Variants in PRKN observed in about 807,000 individuals in gnomAD.
PRKN encodes the protein parkin RBR E3 ubiquitin protein ligase, also known as E3 ubiquitin-protein ligase parkin.
In PRKN, 56 loss-of-function variants were observed where a neutral mutation model predicts 59.5. The ratio of observed to expected loss-of-function variants is 0.94; its 90% CI spans 0.76 to 1.18. PRKN has a LOEUF of 1.18. PRKN is among the 50% of genes most tolerant of loss of function. The probability of loss-of-function intolerance (pLI) is 0.00; values close to 1 mark genes in which losing one functional copy is unlikely to be tolerated. For missense variants in PRKN, 657 were observed against 596.4 expected, an observed-to-expected ratio of 1.10 and a Z score of -1.06; for synonymous variants, 250 against 222.1, an observed-to-expected ratio of 1.13 and a Z score of -1.12.
chr6:161,682,965 T>C (rs979521017), intron 7 of PRKN, among the ~76,000 whole-genome samples: 1 of 152,186 alleles, frequency 6.6e-6, no homozygotes, highest in East Asian at 1.9e-4. Flanking sequence ...AAAGGACAAC[T>C]GTAAGATACA....
In PRKN at chr6:161,405,764, G is replaced by A. The variant is rs555295401; in HGVS notation, c.1084-18887C>T. 1.1e-3 allele frequency among the ~76,000 whole-genome samples: 167 copies of A among 152,124 alleles called. 1 individual carries two copies. The highest frequency in any genetic ancestry group is 1.0e-3 in the Non-Finnish European group (70 of 67,996). On this transcript the variant is annotated intron_variant, in intron 9 of 11. Transcript: ENST00000366898. The surrounding 1 kb of genome is among the most constrained non-coding windows in gnomAD (Gnocchi z 5.1). ...GGCTCGTGTTCCAAGTCTCGTACCC[G>A]TTGGGCCATTTGAGAAGTGGCAACA... is the stretch of plus-strand genomic sequence containing the variant.
chr6:161,898,444 A>G (rs1391951001), intron 6 of PRKN, among the ~76,000 whole-genome samples: 3 of 152,182 alleles, frequency 2.0e-5, no homozygotes, highest in Non-Finnish European at 2.9e-5. Context: ...ATTTTTATGT[A>G]CACTTCACAA....
intron 2 of PRKN, among the ~76,000 whole-genome samples, chr6:162,285,266 ATTTT>A (rs11392809): frequency 7.3e-5 from 7 of 95,926 alleles, no homozygotes; most frequent in East Asian, 3.5e-4. Flanking sequence ...TATTTTGGAG[ATTTT>A]TTTTTTTTTT....
At chr6:161,501,939 T>C (rs893863897) in intron 9 of PRKN, among the ~76,000 whole-genome samples, 5 of 152,122 alleles carry the variant, frequency 3.3e-5, no homozygotes, top group African/African-American at 1.2e-4. Flanking sequence ...GATGCGGCTG[T>C]TCTGGGGGAA....
At chr6:162,447,230 T>C (rs1027730593) in intron 1 of PRKN, among the ~76,000 whole-genome samples, 1 of 152,090 alleles carries the variant, frequency 6.6e-6, no homozygotes, top group Non-Finnish European at 1.5e-5. Flanking sequence ...TTTGCTTGCA[T>C]GGTAACTAAG....
intron 6 of PRKN, among the ~76,000 whole-genome samples, chr6:161,819,431 C>A (rs1400448535): frequency 6.6e-6 from 1 of 152,104 alleles, no homozygotes; most frequent in Non-Finnish European, 1.5e-5. Context: ...GCGGAGGTTG[C>A]AGTGAGCTGA....
chr6:162,584,423 A>C (rs2128212172), intron 1 of PRKN, among the ~76,000 whole-genome samples: 1 of 152,246 alleles, frequency 6.6e-6, no homozygotes, highest in Admixed American at 6.5e-5. Context: ...TACATTCAGA[A>C]AAATTAGAAT....
chr6:162,077,659 G>T (rs904058750), intron 4 of PRKN, among the ~76,000 whole-genome samples: 4 of 151,900 alleles, frequency 2.6e-5, no homozygotes, highest in Non-Finnish European at 5.9e-5. Flanking sequence ...AAAAATCCAG[G>T]ATGGTTTAGG....
chr6:161,737,698 A>C (rs1788021870), intron 7 of PRKN, among the ~76,000 whole-genome samples: 1 of 152,198 alleles, frequency 6.6e-6, no homozygotes, highest in South Asian at 2.1e-4. Context: ...TGGACTGTAA[A>C]GCAAAACTGC....
chr6:161,727,409 T>C (rs1787488546), intron 7 of PRKN, among the ~76,000 whole-genome samples: 1 of 152,132 alleles, frequency 6.6e-6, no homozygotes. Flanking sequence ...ATCCTTCCCA[T>C]AAATAACAGG....
At chr6:162,047,741 C>A (rs918197906) in intron 5 of PRKN, among the ~76,000 whole-genome samples, 3 of 152,166 alleles carry the variant, frequency 2.0e-5, no homozygotes, top group Non-Finnish European at 4.4e-5. Flanking sequence ...ACGGAAATGA[C>A]TTCTGACATA....
chr6:162,059,361 T>C (rs1016912203), intron 4 of PRKN, among the ~76,000 whole-genome samples: 2 of 152,198 alleles, frequency 1.3e-5, no homozygotes, highest in Non-Finnish European at 2.9e-5. Context: ...CTCACACTAA[T>C]AGTGTGAATG....
At chr6:161,635,652 G>A (rs1318860961) in intron 7 of PRKN, among the ~76,000 whole-genome samples, 2 of 152,162 alleles carry the variant, frequency 1.3e-5, no homozygotes, top group Admixed American at 6.5e-5. Flanking sequence ...GTTTTATTTT[G>A]CTGCTTTTTT....
At chr6:162,017,736 C>T (rs1782981832) in intron 5 of PRKN, among the ~76,000 whole-genome samples, 1 of 152,202 alleles carries the variant, frequency 6.6e-6, no homozygotes, top group African/African-American at 2.4e-5. Context: ...CATCCATCAT[C>T]TTCTGAAACG....
rs974686359 is a variant in PRKN, at chr6:161,405,317, C to T, written c.1084-18440G>A. On this transcript the variant is annotated intron_variant, in intron 9 of 11. Coordinates refer to ENST00000366898, the MANE Select transcript of PRKN (RefSeq NM_004562.3). The surrounding 1 kb of genome is among the most constrained non-coding windows in gnomAD (Gnocchi z 5.1). ...GTCTGACTGGGCATGGTGGCTCATGCCTGTAATCTCAGCACTTTGGGAGGC... is the reference window on the plus strand; with the variant it reads ...GTCTGACTGGGCATGGTGGCTCATGTCTGTAATCTCAGCACTTTGGGAGGC... Among the ~76,000 whole-genome samples, 7 of 152,096 alleles carry T rather than the reference C, an allele frequency of 4.6e-5. No individual in the cohort carries two copies. The highest frequency in any genetic ancestry group is 8.8e-5 in the Non-Finnish European group (6 of 68,030).
Position 161,414,286 on chromosome 6 carries a change from G to A in PRKN, c.1084-27409C>T, listed in dbSNP as rs62435936. Among the ~76,000 whole-genome samples the A allele has an allele frequency of 5.3e-5, 8 of 152,064 alleles. No homozygotes were observed. Among genetic ancestry groups the A allele is most frequent in the Non-Finnish European group, 8.8e-5 (6 of 68,012 alleles). The stretch of plus-strand genomic sequence containing the variant: ...TCCGGAAGGCTGGAGGGTGTTCAGC[G>A]TTGTTTGTCACAGGCAGCGGCCAGT... On this transcript the variant is annotated intron_variant, in intron 9 of 11. Transcript: ENST00000366898. The surrounding 1 kb of genome is among the most constrained non-coding windows in gnomAD (Gnocchi z 5.3).
chr6:162,235,958 G>GAAGGAAGGAAGA (rs1778658214), intron 3 of PRKN, among the ~76,000 whole-genome samples: 4 of 92,678 alleles, frequency 4.3e-5, no homozygotes, highest in African/African-American at 1.6e-4. Context: ...AGGAAGAAAG[G>GAAGGAAGGAAGA]AAGAAAGAAA....
At chr6:162,701,389 A>G (rs776932093) in intron 1 of PRKN, among the ~76,000 whole-genome samples, 2 of 152,152 alleles carry the variant, frequency 1.3e-5, no homozygotes, top group African/African-American at 2.4e-5. Context: ...TAAAATGGAA[A>G]TGAACTTTTA....
intron 5 of PRKN, among the ~76,000 whole-genome samples, chr6:162,024,282 C>T (rs1783333599): frequency 6.9e-6 from 1 of 144,334 alleles, no homozygotes; most frequent in Non-Finnish European, 1.5e-5. Flanking sequence ...ACTGCAACCT[C>T]TGCCTCCCAG....
Sources: gnomAD v4.1 joint callset for allele counts (sites outside exome capture counted in the v4.1 genomes callset) on GRCh38, gnomAD v4.1.1 for gene constraint, Gnocchi (gnomAD v3.1) non-coding constraint, MANE v1.5 for transcripts, NCBI Gene and HGNC (gene_info 2026-07-23, HGNC 2026-07-21) for gene names.